RNF135: variants seen among roughly 807,000 people sequenced by gnomAD.
RNF135 encodes ring finger protein 135, also known as E3 ubiquitin-protein ligase RNF135.
In RNF135, 46 loss-of-function variants were observed where a neutral mutation model predicts 41.9. The observed-to-expected ratio is 1.10, with a 90% CI of 0.87 to 1.40. RNF135 has a LOEUF of 1.40. Ranked by LOEUF, RNF135 falls within the 40% of genes most tolerant of loss-of-function variation. The pLI, the probability that RNF135 is intolerant of heterozygous loss-of-function variation, is 0.00. For synonymous variants in RNF135, 238 were observed against 223.8 expected (o/e 1.06, Z -0.57); for missense variants, 539 against 549.8 (o/e 0.98, Z 0.20).
intron 2 of RNF135, among the ~76,000 whole-genome samples, chr17:30,985,871 C>G (rs1349536087): frequency 6.6e-6 from 1 of 152,204 alleles, no homozygotes; most frequent in Non-Finnish European, 1.5e-5. Flanking sequence ...TCTGTGCGCT[C>G]TAGCTACACT....
chr17:30,988,169 C>T, intron 3 of RNF135, 63 bp downstream of exon 3: 1 of 1,494,014 alleles, frequency 6.7e-7, no homozygotes, highest in Non-Finnish European at 9.3e-7. Flanking sequence ...TAGCAGAGTG[C>T]TCTATGGCTT....
intron 1 of RNF135, chr17:30,971,839 G>A: frequency 2.1e-6 from 1 of 468,686 alleles, no homozygotes. Context: ...GCTGGATGGA[G>A]TGCAATGGCG....
Position 30,998,789 on chromosome 17 carries a change from C to T in RNF135, c.897C>T (p.Thr299=). ...PYRWSCERFS[T]SQVLCSQALS... is the part of the protein sequence containing the mutation. ...GCTGGAGCTGTGAGAGGTTTTCTAC[C>T]AGCCAGGTCTTATGTTCCCAGGCCC... The change falls in exon 5 of 5, where the codon ACC becomes ACT. Residue 299 remains threonine (T), a synonymous_variant. Transcript: ENST00000328381. 1 of 1,613,264 alleles carries T rather than the reference C, an allele frequency of 6.2e-7. No homozygotes were observed. Among genetic ancestry groups the T allele is most frequent in the Non-Finnish European group, 8.5e-7 (1 of 1,179,700 alleles).
the RNF135 span, among the ~76,000 whole-genome samples, chr17:30,963,586 A>AC: frequency 6.6e-5 from 10 of 151,308 alleles, no homozygotes; most frequent in African/African-American, 2.5e-4. Flanking sequence ...GAAAAAAAAA[A>AC]TTGGGTGGTT....
chr17:30,980,203 C>T (rs1270608609), intron 1 of RNF135: 13 of 122,156 alleles, frequency 1.1e-4, no homozygotes, highest in South Asian at 2.8e-4. Context: ...GCTGGCCGGG[C>T]GGGGGGCTGA....
chr17:30,987,848 T>G lies in RNF135; in HGVS notation c.517-96T>G. 1.2e-5 allele frequency: 15 copies of G among 1,228,182 alleles called. No homozygotes were observed. The South Asian group carries it at 2.0e-4, about 16-fold the overall frequency. The allele number at this position is 1,228,182 out of a possible 1,614,324, so 76.1% of individuals were successfully genotyped here. On this transcript the variant is annotated intron_variant, in intron 2 of 4. Coordinates refer to ENST00000328381, the MANE Select transcript of RNF135 (RefSeq NM_032322.4). The stretch of plus-strand genomic sequence containing the variant: ...TTTTAAAAACTTGCTGGGAATTAAA[T>G]AGAAAATTATAGATGAATAGAAAAA...
intron 3 of RNF135, 47 bp downstream of exon 3, chr17:30,988,153 G>T: frequency 6.3e-7 from 1 of 1,582,766 alleles, no homozygotes. Context: ...TGGAAGTTGG[G>T]GGGAGTAGCA....
At chr17:30,991,502 C>T (rs1260093768) in intron 3 of RNF135, among the ~76,000 whole-genome samples, 2 of 151,436 alleles carry the variant, frequency 1.3e-5, no homozygotes, top group African/African-American at 2.4e-5. Context: ...CTGCAATCTC[C>T]GTCTCCCAGG....
At chr17:30,980,505 C>CG (rs1907029775) in intron 1 of RNF135, among the ~76,000 whole-genome samples, 2 of 132,460 alleles carry the variant, frequency 1.5e-5, no homozygotes, top group Admixed American at 7.2e-5. Flanking sequence ...GGGGGCTGAC[C>CG]CCCCCCACCT....
At chr17:30,975,486 T>C in intron 1 of RNF135, 4 of 777,476 alleles carry the variant, frequency 5.1e-6, no homozygotes, top group South Asian at 4.0e-5. Flanking sequence ...CTGAACATCT[T>C]GTTCAATGAG....
chr17:30,976,796 T>A (rs950889781), intron 1 of RNF135, among the ~76,000 whole-genome samples: 3 of 152,220 alleles, frequency 2.0e-5, no homozygotes, highest in African/African-American at 4.8e-5. Flanking sequence ...ATGGGATATA[T>A]TTTTCCATCC....
intron 3 of RNF135, among the ~76,000 whole-genome samples, chr17:30,994,604 A>T (rs1908212280): frequency 6.6e-6 from 1 of 151,950 alleles, no homozygotes; most frequent in African/African-American, 2.4e-5. Flanking sequence ...ACCAATCTCC[A>T]GATCATTTTC....
chr17:30,993,446 T>C (rs1908127195), intron 3 of RNF135, among the ~76,000 whole-genome samples: 1 of 151,120 alleles, frequency 6.6e-6, no homozygotes, highest in African/African-American at 2.4e-5. Context: ...CTTCCAGCAA[T>C]CCTTGTGCTT....
chr17:30,980,251 G>C (rs1906983647), intron 1 of RNF135: 1 of 130,436 alleles, frequency 7.7e-6, no homozygotes, highest in African/African-American at 2.9e-5. Flanking sequence ...GGCTGGCCGG[G>C]CAGAGGGGTC....
At chr17:30,986,608 C>T (rs1332411492) in intron 2 of RNF135, among the ~76,000 whole-genome samples, 1 of 152,192 alleles carries the variant, frequency 6.6e-6, no homozygotes, top group Non-Finnish European at 1.5e-5. Flanking sequence ...ATAAATCCAT[C>T]TTTAGGGATG....
chr17:30,972,952 T>G lies in RNF135; in HGVS notation c.372+1507T>G, dbSNP rs1256678974. The G allele has an allele frequency of 3.9e-5, 6 of 152,250 alleles. No homozygotes were observed. In the East Asian group the frequency reaches 1.2e-3, roughly 29 times the overall value. 9.4% of individuals were successfully genotyped at this position (152,250 alleles called of 1,614,324 possible). On this transcript the variant is annotated intron_variant, in intron 1 of 4. Transcript: ENST00000328381. ...CACCACACCCAGGTAATTTTTGTAT[T>G]TTTAGTAGAGACGGGTTTTCACCAT...
chr17:30,977,615 C>G (rs549757352), intron 1 of RNF135, among the ~76,000 whole-genome samples: 1 of 152,316 alleles, frequency 6.6e-6, no homozygotes, highest in African/African-American at 2.4e-5. Context: ...CTCAAGTGAT[C>G]TGCCCACCTC....
intron 3 of RNF135, among the ~76,000 whole-genome samples, chr17:30,992,678 G>C (rs1210714289): frequency 6.6e-6 from 1 of 151,950 alleles, no homozygotes; most frequent in African/African-American, 2.4e-5. Context: ...TGTTTCCTAG[G>C]CTGGCCTGGA....
chr17:30,973,015 C>A (rs1258381681), intron 1 of RNF135: 2 of 152,244 alleles, frequency 1.3e-5, no homozygotes, highest in African/African-American at 4.8e-5. Flanking sequence ...ACCTTGTGAT[C>A]TGCCCACCTC....
Sources: gnomAD v4.1 joint callset for allele counts (sites outside exome capture counted in the v4.1 genomes callset) on GRCh38, gnomAD v4.1.1 for gene constraint, MANE v1.5 for transcripts, NCBI Gene and HGNC (gene_info 2026-07-23, HGNC 2026-07-21) for gene names.